The following TACC1 variants were observed in gnomAD, a reference collection of about 807,000 sequenced individuals.
TACC1 encodes the protein transforming acidic coiled-coil containing protein 1.
In TACC1, 48 loss-of-function variants were observed where a neutral mutation model predicts 84.4. The ratio of observed to expected loss-of-function variants is 0.57; its 90% CI spans 0.45 to 0.72. The LOEUF is 0.72. Among genes scored for constraint, TACC1 ranks in the 30% least tolerant of loss-of-function variants. TACC1 has a pLI of 0.00. For synonymous variants in TACC1, 372 were observed against 376.3 expected, an observed-to-expected ratio of 0.99 and a Z score of 0.13; for missense variants, 920 against 973.0, an observed-to-expected ratio of 0.95 and a Z score of 0.72.
At position 38,848,090 on chromosome 8, in the gene TACC1, C is replaced by A. The variant is rs1253651936; in HGVS notation, c.*67C>A. Reference sequence around the variant, plus strand: ...TTCTCTTGTGACCACAATTATCTTGCCTTATCCAGGAATAATTGCCCCTTT... The same window carrying A: ...TTCTCTTGTGACCACAATTATCTTGACTTATCCAGGAATAATTGCCCCTTT... On this transcript the variant is annotated 3_prime_UTR_variant, in exon 13 of 13. Coordinates refer to ENST00000317827, the MANE Select transcript of TACC1 (RefSeq NM_006283.3). 4.8e-6 allele frequency: 7 copies of A among 1,457,456 alleles called. No individual in the cohort carries two copies. Among genetic ancestry groups the A allele is most frequent in the Admixed American group, 2.0e-5 (1 of 51,238 alleles). 90.3% of individuals were successfully genotyped at this position (1,457,456 alleles called of 1,614,324 possible). A position where few individuals can be genotyped will look rare whatever the true frequency, so the allele number is the denominator to read the frequency against.
rs556215647 is a variant in TACC1, at chr8:38,828,628, G to A, written c.1660+1253G>A. Among the ~76,000 whole-genome samples, 13 of 152,236 alleles carry A rather than the reference G, an allele frequency of 8.5e-5. No individual in the cohort carries two copies. The South Asian group carries it at 2.5e-3, about 29-fold the overall frequency. ...GACATTGTTTTTCTCTGTGTACAGG[G>A]AGGACCCCTCTTGTAATGAGGTCTT... On this transcript the variant is annotated intron_variant, in intron 5 of 12. Coordinates refer to ENST00000317827, the MANE Select transcript of TACC1 (RefSeq NM_006283.3).
intron 2 of TACC1, among the ~76,000 whole-genome samples, chr8:38,814,603 C>G (rs1420448659): frequency 6.6e-6 from 1 of 152,086 alleles, no homozygotes; most frequent in African/African-American, 2.4e-5. Context: ...ACACAGTGAC[C>G]CGCACAATGA....
In TACC1 at chr8:38,819,794, C is replaced by G; in HGVS notation, c.550C>G (p.Pro184Ala). 1 of 1,613,970 alleles carries G rather than the reference C, an allele frequency of 6.2e-7. No individual in the cohort carries two copies. Among genetic ancestry groups the G allele is most frequent in the East Asian group, 2.2e-5 (1 of 44,886 alleles). ...AACTGCAGTCTCAGGCAAGGCTCTG[C>G]CTTCCAGCCCGCCAGACGCCCTCCA... is the stretch of plus-strand genomic sequence containing the variant. The part of the protein sequence containing the change: ...CVTAVSGKAL[P>A]SSPPDALQDE... The change falls in exon 3 of 13, where the codon CCT (proline) becomes GCT (alanine). Residue 184 changes from proline (P) to alanine (A), a missense_variant. By Grantham distance (27) the Pro-to-Ala change is conservative. This residue lies in a region of TACC1 where 762 missense variants were observed against 747.3 expected (regional missense o/e 1.02). Coordinates refer to ENST00000317827, the MANE Select transcript of TACC1 (RefSeq NM_006283.3).
chr8:38,801,316 A>G (rs140031962), intron 2 of TACC1, among the ~76,000 whole-genome samples: 98 of 152,322 alleles, frequency 6.4e-4, no homozygotes, highest in African/African-American at 2.2e-3. Flanking sequence ...ACAAAGATTT[A>G]CTTCTTTGTC....
chr8:38,760,503 G>T (rs965168238), intron 3 of TACC1, among the ~76,000 whole-genome samples: 1 of 152,132 alleles, frequency 6.6e-6, no homozygotes, highest in Non-Finnish European at 1.5e-5. Flanking sequence ...GCAAATTTCT[G>T]CATCTGTAAA....
chr8:38,738,350 A>G (rs941651832), intron 1 of TACC1, among the ~76,000 whole-genome samples: 1 of 151,844 alleles, frequency 6.6e-6, no homozygotes, highest in African/African-American at 2.4e-5. Flanking sequence ...TCGAGGCTAC[A>G]GTGGAGCCTC....
Position 38,842,273 on chromosome 8 carries a change from CT to C in TACC1, c.1961-12del, listed in dbSNP as rs762419692. On this transcript the variant is annotated splice_polypyrimidine_tract_variant and intron_variant, in intron 9 of 12. Coordinates refer to ENST00000317827, the MANE Select transcript of TACC1 (RefSeq NM_006283.3). Reference sequence around the variant, plus strand: ...TGAATAAATATGTCATTCCTTTTGACTTGTGATTCCCAGAAGATGAACAAAG... The same window carrying C: ...TGAATAAATATGTCATTCCTTTTGACTGTGATTCCCAGAAGATGAACAAAG... The C allele has an allele frequency of 3.7e-6, 6 of 1,603,904 alleles. No individual in the cohort carries two copies. The Admixed American group carries it at 7.0e-5, about 19-fold the overall frequency.
intron 4 of TACC1, among the ~76,000 whole-genome samples, chr8:38,826,535 A>C (rs888658280): frequency 6.6e-6 from 1 of 152,198 alleles, no homozygotes; most frequent in African/African-American, 2.4e-5. Flanking sequence ...TAAAGAAAAA[A>C]GTTTCACAGA....
chr8:38,749,318 T>C (rs1057172198), intron 3 of TACC1, among the ~76,000 whole-genome samples: 3 of 152,190 alleles, frequency 2.0e-5, no homozygotes, highest in African/African-American at 7.2e-5. Context: ...AGATGCTTCA[T>C]TGATGAATTC....
intron 1 of TACC1, among the ~76,000 whole-genome samples, chr8:38,735,868 T>C (rs1291402614): frequency 6.6e-6 from 1 of 152,238 alleles, no homozygotes; most frequent in Non-Finnish European, 1.5e-5. Context: ...GAAAGGAAGA[T>C]GTCCCTGAAA....
chr8:38,810,789 A>G (rs1823906637), intron 2 of TACC1, among the ~76,000 whole-genome samples: 1 of 152,098 alleles, frequency 6.6e-6, no homozygotes, highest in Admixed American at 6.6e-5. Flanking sequence ...TCTTCTCTGA[A>G]CATACTTCTA....
In TACC1 at chr8:38,851,846, A is replaced by G. The variant is rs1391130877; in HGVS notation, c.*3823A>G. The G allele has an allele frequency of 2.2e-6, 1 of 444,700 alleles. No individual in the cohort carries two copies. The highest frequency in any genetic ancestry group is 2.0e-5 in the African/African-American group (1 of 49,742). The allele number at this position is 444,700 out of a possible 1,614,324, so 27.5% of individuals were successfully genotyped here. On this transcript the variant is annotated 3_prime_UTR_variant, in exon 13 of 13. Coordinates refer to ENST00000317827, the MANE Select transcript of TACC1 (RefSeq NM_006283.3). Reference sequence around the variant, plus strand: ...AAGAACAATATAGTCTGGGAATCCCAGAATGTCAAGCCAAAGGTCTAAGAA... The same window carrying G: ...AAGAACAATATAGTCTGGGAATCCCGGAATGTCAAGCCAAAGGTCTAAGAA...
At chr8:38,785,692 C>T, upstream of TACC1, 1 of 985,412 alleles carries the variant, frequency 1.0e-6, no homozygotes, top group Non-Finnish European at 1.2e-6. Flanking sequence ...AACCCTGTGT[C>T]AAATCCAGGA....
rs1587826089 is a variant in TACC1, at chr8:38,803,491, A to G, written c.277+14672A>G. On this transcript the variant is annotated intron_variant, in intron 2 of 12. Transcript: ENST00000317827. ...ATAAAAGAGTGTTGGATTTTGTCAA[A>G]TGCTTTTTCTGTGTGTATTGAGATG... Among the ~76,000 whole-genome samples, 4 of 152,002 alleles carry G rather than the reference A, an allele frequency of 2.6e-5. No homozygotes were observed. In the South Asian group the frequency reaches 8.3e-4, roughly 32 times the overall value.
chr8:38,831,793 G>A (rs956398863), intron 6 of TACC1, among the ~76,000 whole-genome samples: 2 of 151,400 alleles, frequency 1.3e-5, no homozygotes, highest in African/African-American at 2.4e-5. Context: ...CCTGCACCTG[G>A]CTGGTTTACT....
At chr8:38,753,905 T>C (rs899163582) in intron 3 of TACC1, among the ~76,000 whole-genome samples, 4 of 124,516 alleles carry the variant, frequency 3.2e-5, no homozygotes, top group Admixed American at 7.7e-5. Flanking sequence ...CTCTTTTTCT[T>C]TTTCTTTCTT....
chr8:38,769,369 G>C lies in TACC1; in HGVS notation c.27-19335G>C, dbSNP rs542450391. Among the ~76,000 whole-genome samples the C allele has an allele frequency of 6.2e-5, 9 of 145,598 alleles. No homozygotes were observed. The East Asian group carries it at 1.9e-3, about 31-fold the overall frequency. ...TGGTGTATGTGATACTGCATGGGTG[G>C]GGGTGTGTGGTGTGTGATTATATGT... is the stretch of plus-strand genomic sequence containing the variant. On this transcript the variant is annotated intron_variant, in intron 3 of 14. Transcript: ENST00000518415.
At chr8:38,798,996 G>GA (rs991057864) in intron 2 of TACC1, among the ~76,000 whole-genome samples, 3 of 152,136 alleles carry the variant, frequency 2.0e-5, no homozygotes, top group East Asian at 3.9e-4. Flanking sequence ...GAAACTGGGG[G>GA]AAAAAAACAC....
intron 3 of TACC1, among the ~76,000 whole-genome samples, chr8:38,755,707 A>AAACAACAACAACAACAAC (rs71216684): frequency 4.1e-4 from 58 of 140,926 alleles, no homozygotes; most frequent in Non-Finnish European, 7.2e-4. Context: ...CGGTCTTTCA[A>AAACAACAACAACAACAAC]AACAACAACA....
Sources: gnomAD v4.1 joint callset for allele counts (sites outside exome capture counted in the v4.1 genomes callset) on GRCh38, gnomAD v4.1.1 for gene constraint, gnomAD v4.1.1 regional missense constraint, MANE v1.5 for transcripts, NCBI Gene and HGNC (gene_info 2026-07-23, HGNC 2026-07-21) for gene names.